The following MAGI2 variants were observed in gnomAD, a reference collection of about 807,000 sequenced individuals.
MAGI2 encodes the protein membrane-associated guanylate kinase, WW and PDZ domain-containing protein 2.
MAGI2 carries 35 observed loss-of-function variants against 133.3 expected under a neutral mutation model. The observed-to-expected ratio is 0.26, with a 90% CI of 0.20 to 0.35. The LOEUF (loss-of-function observed/expected upper bound fraction) is 0.35. Ranked by LOEUF, MAGI2 falls within the 10% of genes least tolerant of loss-of-function variation. The probability of loss-of-function intolerance (pLI) is 1.00; values close to 1 mark genes in which losing one functional copy is unlikely to be tolerated. For missense variants in MAGI2, 1,636 were observed against 1,863.4 expected, an observed-to-expected ratio of 0.88 and a Z score of 2.25; for synonymous variants, 729 against 710.6, an observed-to-expected ratio of 1.03 and a Z score of -0.41.
intron 2 of MAGI2, among the ~76,000 whole-genome samples, chr7:78,667,309 T>C (rs535954280): frequency 6.6e-6 from 1 of 151,764 alleles, no homozygotes; most frequent in Non-Finnish European, 1.5e-5. Flanking sequence ...CATTTCAAGA[T>C]TGTCAAATAA....
chr7:78,394,480 C>A (rs967272627), intron 6 of MAGI2, among the ~76,000 whole-genome samples: 1 of 152,126 alleles, frequency 6.6e-6, no homozygotes, highest in Non-Finnish European at 1.5e-5. Flanking sequence ...GCCTTGCAAC[C>A]CTTTGACTCC....
intron 1 of MAGI2, among the ~76,000 whole-genome samples, chr7:79,430,549 T>C (rs1585955171): frequency 6.6e-6 from 1 of 152,316 alleles, no homozygotes; most frequent in Non-Finnish European, 1.5e-5. Flanking sequence ...TCCTTCTCAA[T>C]TGCCAGTTCC....
intron 1 of MAGI2, among the ~76,000 whole-genome samples, chr7:79,370,511 T>A (rs1371384078): frequency 6.6e-6 from 1 of 152,068 alleles, no homozygotes; most frequent in African/African-American, 2.4e-5. Flanking sequence ...AATGTTTCCA[T>A]CATAAGCAAG....
chr7:79,247,397 T>C (rs1290767928), intron 1 of MAGI2, among the ~76,000 whole-genome samples: 1 of 152,222 alleles, frequency 6.6e-6, no homozygotes, highest in East Asian at 1.9e-4. Context: ...GGAGGACCGC[T>C]TGAGCCTAGG....
intron 9 of MAGI2, among the ~76,000 whole-genome samples, chr7:78,275,181 C>CTTCCCTTGGGAAGGGGAGAG (rs1287003218): frequency 6.6e-6 from 1 of 152,180 alleles, no homozygotes; most frequent in Non-Finnish European, 1.5e-5. Flanking sequence ...TCTCTCATGG[C>CTTCCCTTGGGAAGGGGAGAG]TTCCCTTGGG....
At chr7:78,088,018 T>C (rs1012834361) in intron 20 of MAGI2, among the ~76,000 whole-genome samples, 1 of 152,172 alleles carries the variant, frequency 6.6e-6, no homozygotes, top group African/African-American at 2.4e-5. Flanking sequence ...CTTATCCAGT[T>C]CTCAGAAATC....
At chr7:78,423,001 A>G (rs1798937375) in intron 6 of MAGI2, among the ~76,000 whole-genome samples, 1 of 152,192 alleles carries the variant, frequency 6.6e-6, no homozygotes, top group Non-Finnish European at 1.5e-5. Flanking sequence ...TTTTCCACCT[A>G]TTGTTATTAT....
chr7:78,502,978 C>T (rs1017313167), intron 4 of MAGI2, among the ~76,000 whole-genome samples: 2 of 152,152 alleles, frequency 1.3e-5, no homozygotes, highest in African/African-American at 2.4e-5. Flanking sequence ...CACCTGGATA[C>T]ATCTAGTTGA....
At chr7:79,292,124 T>C (rs1009460012) in intron 1 of MAGI2, among the ~76,000 whole-genome samples, 11 of 152,198 alleles carry the variant, frequency 7.2e-5, no homozygotes, top group African/African-American at 2.7e-4. Context: ...TTTTTACATG[T>C]GGAAATCCAG....
rs17413299 is a variant in MAGI2, at chr7:78,355,486, G to A, written c.1104-9443C>T. Among the ~76,000 whole-genome samples the A allele has an allele frequency of 1.4e-4, 22 of 152,318 alleles. No individual in the cohort carries two copies. The East Asian group carries it at 4.0e-3, about 28-fold the overall frequency. ...GGATGGGAACTAATATTCACCGAGCGAATACTATATGCTGACCCTCAGTGA... is the reference window on the plus strand; with the variant it reads ...GGATGGGAACTAATATTCACCGAGCAAATACTATATGCTGACCCTCAGTGA... On this transcript the variant is annotated intron_variant, in intron 7 of 21. Transcript: ENST00000354212.
chr7:78,290,049 A>G (rs1200832053), intron 9 of MAGI2, among the ~76,000 whole-genome samples: 1 of 152,208 alleles, frequency 6.6e-6, no homozygotes, highest in African/African-American at 2.4e-5. Flanking sequence ...GCATCAACAA[A>G]CGGGCAAAAT....
chr7:78,955,675 TCCTC>T lies in MAGI2; in HGVS notation c.418+51411_418+51414del, dbSNP rs1178327376. On this transcript the variant is annotated intron_variant, in intron 2 of 21. Transcript: ENST00000354212. ...TCTCTCCCTTCCTTCTTTCCTTCCT[TCCTC>T]CCTCCCTCCCTTTCTCTCTCCCTTT... 3.8e-3 allele frequency among the ~76,000 whole-genome samples: 558 copies of T among 146,332 alleles called. 9 individuals are homozygous for T. The highest frequency in any genetic ancestry group is 0.013 in the African/African-American group (527 of 39,268).
intron 9 of MAGI2, among the ~76,000 whole-genome samples, chr7:78,266,395 G>C (rs948974121): frequency 6.6e-6 from 1 of 152,022 alleles, no homozygotes. Flanking sequence ...AGAGATGGGA[G>C]TTTTGTCATG....
chr7:78,894,299 G>A (rs1318835556), intron 2 of MAGI2, among the ~76,000 whole-genome samples: 3 of 152,186 alleles, frequency 2.0e-5, no homozygotes, highest in African/African-American at 4.8e-5. Flanking sequence ...CTACTCCGGA[G>A]GCTGAGGCAG....
intron 1 of MAGI2, among the ~76,000 whole-genome samples, chr7:79,255,408 A>G (rs576498572): frequency 3.1e-4 from 47 of 152,316 alleles, no homozygotes; most frequent in Admixed American, 1.0e-3. Context: ...AGGTATTGTA[A>G]GGTAATGCAA....
At chr7:78,647,085 AT>A (rs1368343990) in intron 2 of MAGI2, among the ~76,000 whole-genome samples, 1 of 152,184 alleles carries the variant, frequency 6.6e-6, no homozygotes, top group African/African-American at 2.4e-5. Flanking sequence ...GGAATTTATC[AT>A]AAAAATATTG....
At chr7:78,482,878 TAC>T (rs3086358) in intron 6 of MAGI2, among the ~76,000 whole-genome samples, 7,575 of 89,626 alleles carry the variant, frequency 0.085, 196 homozygotes, top group Non-Finnish European at 0.097. Context: ...CACATGGAAC[TAC>T]ACACACACAC....
At chr7:78,291,575 C>T (rs888309133) in intron 9 of MAGI2, among the ~76,000 whole-genome samples, 1 of 152,186 alleles carries the variant, frequency 6.6e-6, no homozygotes, top group Non-Finnish European at 1.5e-5. Context: ...CTTCCTAACT[C>T]ATTTTATGAG....
At chr7:79,337,487 A>G (rs1046936394) in intron 1 of MAGI2, among the ~76,000 whole-genome samples, 2 of 152,348 alleles carry the variant, frequency 1.3e-5, no homozygotes, top group East Asian at 1.9e-4. Context: ...GATCTACAGC[A>G]TAAGTCAGCA....
Sources: gnomAD v4.1 joint callset for allele counts (sites outside exome capture counted in the v4.1 genomes callset) on GRCh38, gnomAD v4.1.1 for gene constraint, MANE v1.5 for transcripts, NCBI Gene and HGNC (gene_info 2026-07-23, HGNC 2026-07-21) for gene names.